The following RASGRP1 variants were observed in gnomAD, a reference collection of about 807,000 sequenced individuals.
RASGRP1 encodes the protein RAS guanyl-releasing protein 1.
RASGRP1 carries 37 observed loss-of-function variants against 95.1 expected under a neutral mutation model. The ratio of observed to expected loss-of-function variants is 0.39; its 90% CI spans 0.30 to 0.51. The LOEUF is 0.51. Ranked by LOEUF, RASGRP1 falls within the 20% of genes least tolerant of loss-of-function variation. The pLI is 0.80. For synonymous variants in RASGRP1, 325 were observed against 353.4 expected, an observed-to-expected ratio of 0.92 and a Z score of 0.90; for missense variants, 711 against 965.4, an observed-to-expected ratio of 0.74 and a Z score of 3.49.
intron 12 of RASGRP1, among the ~76,000 whole-genome samples, chr15:38,501,785 A>T (rs1294035890): frequency 6.6e-6 from 1 of 152,194 alleles, no homozygotes; most frequent in Non-Finnish European, 1.5e-5. Context: ...AAGAAGGAAG[A>T]CTAAACTTTT....
At chr15:38,526,427 C>G in intron 2 of RASGRP1, 23 bp from the exon 3 acceptor site, 1 of 1,593,016 alleles carries the variant, frequency 6.3e-7, no homozygotes, top group South Asian at 1.1e-5. Context: ...AGAGCAGCAC[C>G]TGAGTTAGGC....
At chr15:38,496,715 T>A (rs1276228991) in intron 15 of RASGRP1, among the ~76,000 whole-genome samples, 1 of 152,126 alleles carries the variant, frequency 6.6e-6, no homozygotes, top group Non-Finnish European at 1.5e-5. Context: ...AAGTTTGAAG[T>A]CAGCCTGTGT....
Position 38,564,685 on chromosome 15 carries a change from C to G in RASGRP1, c.-57G>C. The G allele has an allele frequency of 8.3e-7, 1 of 1,206,910 alleles. No individual in the cohort carries two copies. The highest frequency in any genetic ancestry group is 4.0e-5 in the South Asian group (1 of 25,232). The allele number at this position is 1,206,910 out of a possible 1,614,324, so 74.8% of individuals were successfully genotyped here. ...CCTAGCGCGGCCGGGCGCGGCGCAT[C>G]GCCCCCGCCACCACCGCCGCCGCCT... On this transcript the variant is annotated 5_prime_UTR_variant, in exon 1 of 17. Transcript: ENST00000310803.
rs116102546 is a variant in RASGRP1, at chr15:38,510,307, A to G, written c.966+1297T>C. ...CTCTGTCACCTCTGAGATGTGGGCA[A>G]TCTTTTCAACTGTTCCACCTGGTTT... On this transcript the variant is annotated intron_variant, in intron 8 of 16. Transcript: ENST00000310803. 5.0e-3 allele frequency among the ~76,000 whole-genome samples: 769 copies of G among 152,354 alleles called. 4 individuals are homozygous for G. Among genetic ancestry groups the G allele is most frequent in the African/African-American group, 0.013 (523 of 41,590 alleles).
intron 3 of RASGRP1, among the ~76,000 whole-genome samples, chr15:38,524,744 A>T (rs1476195430): frequency 6.6e-6 from 1 of 152,146 alleles, no homozygotes; most frequent in Admixed American, 6.5e-5. Context: ...AAGGGGAGGT[A>T]GGGTTAAGAG....
chr15:38,511,759 C>T, intron 7 of RASGRP1, 39 bp from the exon 8 acceptor site: 11 of 1,497,936 alleles, frequency 7.3e-6, no homozygotes, highest in Non-Finnish European at 1.0e-5. Flanking sequence ...AGTCACTGTA[C>T]ATGTCAGTTA....
chr15:38,554,088 T>C (rs1296127143), intron 2 of RASGRP1, among the ~76,000 whole-genome samples: 1 of 152,274 alleles, frequency 6.6e-6, no homozygotes, highest in East Asian at 1.9e-4. Flanking sequence ...TGTGAGGAAT[T>C]TGAATGTTCA....
At chr15:38,505,298 TCTCAGCATAGGAGGTCAAAAGA>T in intron 10 of RASGRP1, among the ~76,000 whole-genome samples, 1 of 152,324 alleles carries the variant, frequency 6.6e-6, no homozygotes, top group East Asian at 1.9e-4. Context: ...TTTGAGGACT[TCTCAGCATAGGAGGTCAAAAGA>T]CTCAGCAGAC....
At chr15:38,495,128 T>C (rs80217121) in intron 15 of RASGRP1, among the ~76,000 whole-genome samples, 9,210 of 152,206 alleles carry the variant, frequency 0.061, 364 homozygotes, top group Non-Finnish European at 0.088. Flanking sequence ...ATAAATACTT[T>C]TTTGGACCCT....
chr15:38,558,440 A>G (rs1265661172), intron 2 of RASGRP1, among the ~76,000 whole-genome samples: 1 of 152,246 alleles, frequency 6.6e-6, no homozygotes. Flanking sequence ...AACTAGTAAT[A>G]CTAAAAATTC....
rs1199286030 is a variant in RASGRP1, at chr15:38,560,321, A to G, written c.36-316T>C. On this transcript the variant is annotated intron_variant, in intron 1 of 16. Coordinates refer to ENST00000310803, the MANE Select transcript of RASGRP1 (RefSeq NM_005739.4). ...ATCTTGGCAGTCCTTAGCTCCCAGC[A>G]ATGTATACATTTTTTCAGCTACTAA... The G allele has an allele frequency of 2.8e-5, 10 of 354,162 alleles. No individual in the cohort carries two copies. In the Admixed American group the frequency reaches 4.4e-4, roughly 16 times the overall value. The allele number at this position is 354,162 out of a possible 1,614,324, so 21.9% of individuals were successfully genotyped here. A position where few individuals can be genotyped will look rare whatever the true frequency, so the allele number is the denominator to read the frequency against.
chr15:38,520,591 TA>T (rs1270090244), intron 3 of RASGRP1, among the ~76,000 whole-genome samples: 1 of 152,204 alleles, frequency 6.6e-6, no homozygotes, highest in Non-Finnish European at 1.5e-5. Flanking sequence ...ATTGAAACCT[TA>T]TTAAGTTTAT....
At chr15:38,551,052 C>G (rs1893322194) in intron 2 of RASGRP1, among the ~76,000 whole-genome samples, 1 of 152,070 alleles carries the variant, frequency 6.6e-6, no homozygotes, top group African/African-American at 2.4e-5. Flanking sequence ...AGTAAATGCT[C>G]AAAAGTTAGC....
intron 6 of RASGRP1, among the ~76,000 whole-genome samples, chr15:38,514,293 AAG>A (rs1891670572): frequency 6.6e-6 from 1 of 152,282 alleles, no homozygotes; most frequent in African/African-American, 2.4e-5. Flanking sequence ...ATCGCTCCTT[AAG>A]AGAGATATAT....
chr15:38,497,630 C>A (rs1266060884), intron 15 of RASGRP1, among the ~76,000 whole-genome samples: 2 of 152,170 alleles, frequency 1.3e-5, no homozygotes, highest in Non-Finnish European at 2.9e-5. Context: ...TGGCTCTTAG[C>A]ATATACTCTT....
At chr15:38,537,860 G>T (rs1892718439) in intron 2 of RASGRP1, among the ~76,000 whole-genome samples, 1 of 152,198 alleles carries the variant, frequency 6.6e-6, no homozygotes, top group Admixed American at 6.5e-5. Context: ...GTGAGCAGGA[G>T]GACCTGGAGA....
chr15:38,555,029 G>C (rs1359849159), intron 2 of RASGRP1, among the ~76,000 whole-genome samples: 1 of 152,198 alleles, frequency 6.6e-6, no homozygotes, highest in Non-Finnish European at 1.5e-5. Context: ...GTTGCCCTCT[G>C]GGCACCTTGC....
intron 2 of RASGRP1, among the ~76,000 whole-genome samples, chr15:38,542,886 C>CATATATGTATATATATATACACAT (rs1892950402): frequency 1.6e-5 from 2 of 128,892 alleles, no homozygotes; most frequent in African/African-American, 5.9e-5. Flanking sequence ...TATATATACA[C>CATATATGTATATATATATACACAT]ATATATGTGT....
intron 16 of RASGRP1, among the ~76,000 whole-genome samples, chr15:38,493,813 G>A (rs751203252): frequency 1.1e-4 from 16 of 152,074 alleles, no homozygotes; most frequent in Non-Finnish European, 1.9e-4. Context: ...CGTTTTCTAT[G>A]GTGAGCCACA....
Sources: allele counts gnomAD v4.1 joint callset (sites outside exome capture counted in the v4.1 genomes callset), GRCh38; gene constraint gnomAD v4.1.1; transcripts MANE v1.5; gene names NCBI Gene and HGNC (gene_info 2026-07-23, HGNC 2026-07-21).